ACTR3B: variants seen among roughly 807,000 people sequenced by gnomAD.
ACTR3B encodes the protein actin-related protein 3B.
A neutral mutation model predicts 59.0 loss-of-function variants in ACTR3B; 8 were observed. That is an observed-to-expected ratio of 0.14 (90% CI 0.08 to 0.24). The LOEUF is 0.24. Among genes scored for constraint, ACTR3B ranks in the 10% least tolerant of loss-of-function variants. The pLI, the probability that ACTR3B is intolerant of heterozygous loss-of-function variation, is 1.00. For missense variants in ACTR3B, 245 were observed against 552.3 expected (o/e 0.44, Z 5.58); for synonymous variants, 148 against 197.9 (o/e 0.75, Z 2.12).
chr7:152,776,935 G>T (rs2098137499), intron 1 of ACTR3B, among the ~76,000 whole-genome samples: 1 of 152,168 alleles, frequency 6.6e-6, no homozygotes, highest in Non-Finnish European at 1.5e-5. Context: ...TTGAATGGAT[G>T]TAATATAATT....
At chr7:152,809,311 C>G (rs2098262004) in intron 4 of ACTR3B, among the ~76,000 whole-genome samples, 1 of 151,300 alleles carries the variant, frequency 6.6e-6, no homozygotes, top group African/African-American at 2.4e-5. Flanking sequence ...GTTTAAAGTG[C>G]CAGGCTAGTT....
At chr7:152,774,963 A>T (rs1024360928) in intron 1 of ACTR3B, among the ~76,000 whole-genome samples, 1 of 152,068 alleles carries the variant, frequency 6.6e-6, no homozygotes, top group Non-Finnish European at 1.5e-5. Flanking sequence ...AGCTATTATG[A>T]TTGAAGTTTG....
chr7:152,828,527 A>G (rs1181053608), intron 9 of ACTR3B, among the ~76,000 whole-genome samples: 1 of 152,074 alleles, frequency 6.6e-6, no homozygotes, highest in East Asian at 1.9e-4. Flanking sequence ...CGTCTGTGTT[A>G]GCAAGTGCAC....
At chr7:152,764,856 C>G (rs1213053462) in intron 1 of ACTR3B, among the ~76,000 whole-genome samples, 1 of 152,044 alleles carries the variant, frequency 6.6e-6, no homozygotes, top group Non-Finnish European at 1.5e-5. Context: ...CCAATAGAGC[C>G]TATTGCCAAT....
At chr7:152,763,603 T>G (rs1380788636) in intron 1 of ACTR3B, among the ~76,000 whole-genome samples, 1 of 151,968 alleles carries the variant, frequency 6.6e-6, no homozygotes, top group Non-Finnish European at 1.5e-5. Flanking sequence ...TTTTGTATTT[T>G]TGGTAGAGAC....
rs1440267421 is a variant in ACTR3B, at chr7:152,821,223, A to G, written c.684+781A>G. Reference sequence around the variant, plus strand: ...ATCATTAGATATTCTTTTTTAGACTAAAATATTTCCTAAGGGGTCACCTTC... The same window carrying G: ...ATCATTAGATATTCTTTTTTAGACTGAAATATTTCCTAAGGGGTCACCTTC... On this transcript the variant is annotated intron_variant, in intron 7 of 11. Coordinates refer to ENST00000256001, the MANE Select transcript of ACTR3B (RefSeq NM_020445.6). 2.0e-5 allele frequency among the ~76,000 whole-genome samples: 3 copies of G among 152,108 alleles called. No homozygotes were observed. In the South Asian group the frequency reaches 6.2e-4, roughly 32 times the overall value.
chr7:152,838,799 T>C (rs1797662951), intron 9 of ACTR3B, among the ~76,000 whole-genome samples: 3 of 152,190 alleles, frequency 2.0e-5, no homozygotes, highest in Admixed American at 2.0e-4. Flanking sequence ...TGACGTTGAT[T>C]GGCCCTCAAG....
Position 152,759,794 on chromosome 7 carries a change from C to G in ACTR3B, c.-89C>G. On this transcript the variant is annotated 5_prime_UTR_variant, in exon 1 of 12. Transcript: ENST00000256001. Reference sequence around the variant, plus strand: ...CGGCGCTGCGGCGGCTCGCGGGAGACGCTGCGCGCGGGGCTAGCGGGCGGC... The same window carrying G: ...CGGCGCTGCGGCGGCTCGCGGGAGAGGCTGCGCGCGGGGCTAGCGGGCGGC... The G allele has an allele frequency of 2.9e-6, 3 of 1,045,978 alleles. No individual in the cohort carries two copies. Among genetic ancestry groups the G allele is most frequent in the Non-Finnish European group, 3.5e-6 (3 of 848,684 alleles). 64.8% of individuals were successfully genotyped at this position (1,045,978 alleles called of 1,614,324 possible). A position where few individuals can be genotyped will look rare whatever the true frequency, so the allele number is the denominator to read the frequency against.
intron 1 of ACTR3B, among the ~76,000 whole-genome samples, chr7:152,763,649 C>A (rs1162450049): frequency 6.6e-6 from 1 of 152,066 alleles, no homozygotes; most frequent in East Asian, 1.9e-4. Context: ...GGTCTTGAAT[C>A]CTGATCTCAA....
chr7:152,810,408 GTTTT>G (rs1165466125), intron 4 of ACTR3B, among the ~76,000 whole-genome samples: 1 of 126,918 alleles, frequency 7.9e-6, no homozygotes, highest in African/African-American at 2.9e-5. Flanking sequence ...CACCCAGCCT[GTTTT>G]TTTTTTTTTT....
intron 1 of ACTR3B, among the ~76,000 whole-genome samples, chr7:152,773,307 G>A (rs1312479019): frequency 1.3e-5 from 2 of 152,094 alleles, no homozygotes; most frequent in Admixed American, 1.3e-4. Context: ...AGTAAAAGGG[G>A]CCAGACGCAG....
chr7:152,780,286 G>A (rs1449866511), intron 1 of ACTR3B, among the ~76,000 whole-genome samples: 1 of 150,170 alleles, frequency 6.7e-6, no homozygotes, highest in African/African-American at 2.5e-5. Context: ...GAAAGGCGGA[G>A]GTTGCAGTGA....
chr7:152,833,184 G>A (rs1366692550), intron 9 of ACTR3B, among the ~76,000 whole-genome samples: 8 of 152,296 alleles, frequency 5.3e-5, no homozygotes, highest in African/African-American at 1.4e-4. Flanking sequence ...AAGAGGGGGT[G>A]GTTAGAGGAA....
chr7:152,853,463 TG>T (rs780920549), intron 10 of ACTR3B, 30 bp from the exon 11 acceptor site: 16 of 1,602,274 alleles, frequency 1.0e-5, no homozygotes, highest in Admixed American at 3.3e-5. Context: ...TCTGTGGGTG[TG>T]GGGTAAGTGA....
intron 4 of ACTR3B, among the ~76,000 whole-genome samples, chr7:152,810,322 G>C (rs1240595883): frequency 3.3e-5 from 5 of 151,586 alleles, no homozygotes; most frequent in Non-Finnish European, 5.9e-5. Flanking sequence ...GGCCAGGCTG[G>C]TCTTGAACTC....
intron 9 of ACTR3B, among the ~76,000 whole-genome samples, chr7:152,829,969 G>C (rs1195692906): frequency 6.6e-6 from 1 of 152,198 alleles, no homozygotes; most frequent in Non-Finnish European, 1.5e-5. Flanking sequence ...AGATGATTCG[G>C]TTCTTGCCTT....
At chr7:152,783,907 T>G (rs1325429073) in intron 2 of ACTR3B, among the ~76,000 whole-genome samples, 1 of 151,924 alleles carries the variant, frequency 6.6e-6, no homozygotes, top group Non-Finnish European at 1.5e-5. Context: ...CTGACCAACA[T>G]GTTGGAACCC....
At chr7:152,799,279 G>A (rs1031840775) in intron 2 of ACTR3B, among the ~76,000 whole-genome samples, 60 of 152,158 alleles carry the variant, frequency 3.9e-4, no homozygotes, top group Admixed American at 1.6e-3. Flanking sequence ...TTTTAGTGGA[G>A]TAAAATGTTA....
At position 152,824,418 on chromosome 7, in the gene ACTR3B, A is replaced by G. The variant is rs1256884379; in HGVS notation, c.859-612A>G. Among the ~76,000 whole-genome samples the G allele has an allele frequency of 2.0e-5, 3 of 152,146 alleles. No individual in the cohort carries two copies. The East Asian group carries it at 5.8e-4, about 29-fold the overall frequency. The stretch of plus-strand genomic sequence containing the variant: ...AGAGTGCACATTCAAGCTTACTTTG[A>G]TTTTTTAAAATATTTCAAATGAAAT... On this transcript the variant is annotated intron_variant, in intron 8 of 11. Coordinates refer to ENST00000256001, the MANE Select transcript of ACTR3B (RefSeq NM_020445.6). The surrounding 1 kb of genome is among the most constrained non-coding windows in gnomAD (Gnocchi z 4.2).
Sources: gnomAD v4.1 joint callset for allele counts (sites outside exome capture counted in the v4.1 genomes callset) on GRCh38, gnomAD v4.1.1 for gene constraint, Gnocchi (gnomAD v3.1) non-coding constraint, MANE v1.5 for transcripts, NCBI Gene and HGNC (gene_info 2026-07-23, HGNC 2026-07-21) for gene names.